The following COX7B2 variants were observed in gnomAD, a reference collection of about 807,000 sequenced individuals.
COX7B2 encodes cytochrome c oxidase subunit 7B2, mitochondrial.
For missense variants in COX7B2, 109 were observed against 95.9 expected, an observed-to-expected ratio of 1.14 and a Z score of -0.57; for synonymous variants, 37 against 32.1, an observed-to-expected ratio of 1.15 and a Z score of -0.51.
chr4:46,870,882 G>T (rs901037200), intron 1 of COX7B2, among the ~76,000 whole-genome samples: 4 of 151,728 alleles, frequency 2.6e-5, no homozygotes, highest in Non-Finnish European at 4.4e-5. Context: ...TGGAGAGGAA[G>T]AATCATATCA....
intron 2 of COX7B2, among the ~76,000 whole-genome samples, chr4:46,797,216 A>C (rs965874460): frequency 6.6e-6 from 1 of 151,480 alleles, no homozygotes; most frequent in Non-Finnish European, 1.5e-5. Context: ...AAAGGGATCT[A>C]TAGCCCTTTG....
chr4:46,774,459 T>G (rs1025542995), intron 2 of COX7B2, among the ~76,000 whole-genome samples: 4 of 152,084 alleles, frequency 2.6e-5, no homozygotes, highest in Admixed American at 2.6e-4. Flanking sequence ...CTAAATATTT[T>G]GTGGATAGTC....
At chr4:46,793,448 T>A (rs1374357309) in intron 2 of COX7B2, among the ~76,000 whole-genome samples, 1 of 152,102 alleles carries the variant, frequency 6.6e-6, no homozygotes, top group Non-Finnish European at 1.5e-5. Context: ...AAGGTGAACT[T>A]TAGAATGAGA....
chr4:46,771,590 ATCCCT>A (rs1716883064), intron 2 of COX7B2, among the ~76,000 whole-genome samples: 1 of 151,968 alleles, frequency 6.6e-6, no homozygotes, highest in Non-Finnish European at 1.5e-5. Context: ...AGTTTTGAGT[ATCCCT>A]AATCTGAAAA....
chr4:46,794,133 C>T (rs1718198074), intron 2 of COX7B2, among the ~76,000 whole-genome samples: 1 of 152,294 alleles, frequency 6.6e-6, no homozygotes, highest in East Asian at 1.9e-4. Context: ...GTATGTTACA[C>T]TCTGAAACAA....
chr4:46,812,883 T>C (rs1719357628), intron 2 of COX7B2, among the ~76,000 whole-genome samples: 1 of 152,196 alleles, frequency 6.6e-6, no homozygotes, highest in South Asian at 2.1e-4. Flanking sequence ...AGCTGCTTCA[T>C]TGGGCCAGGG....
At chr4:46,822,792 T>C (rs1188107363) in intron 2 of COX7B2, among the ~76,000 whole-genome samples, 1 of 152,158 alleles carries the variant, frequency 6.6e-6, no homozygotes, top group Non-Finnish European at 1.5e-5. Flanking sequence ...TAGACATAAA[T>C]TATTAGATAA....
intron 1 of COX7B2, among the ~76,000 whole-genome samples, chr4:46,849,119 T>C (rs1447368821): frequency 6.6e-6 from 1 of 152,046 alleles, no homozygotes; most frequent in Admixed American, 6.6e-5. Flanking sequence ...ATAAAATCCA[T>C]GGATATGGAG....
chr4:46,893,520 G>T (rs1182184055), intron 1 of COX7B2, among the ~76,000 whole-genome samples: 2 of 152,130 alleles, frequency 1.3e-5, no homozygotes, highest in African/African-American at 4.8e-5. Flanking sequence ...AAATGTTTAA[G>T]AAATACATTC....
chr4:46,896,359 A>G (rs552378751), intron 1 of COX7B2, among the ~76,000 whole-genome samples: 7 of 152,320 alleles, frequency 4.6e-5, no homozygotes, highest in African/African-American at 1.7e-4. Context: ...CAGTTATGCT[A>G]TTGGTAGATG....
intron 2 of COX7B2, 30 bp from the exon 3 acceptor site, chr4:46,735,271 G>A: frequency 3.4e-6 from 5 of 1,488,882 alleles, no homozygotes; most frequent in Non-Finnish European, 4.6e-6. Flanking sequence ...ATGCATTGAT[G>A]TCCAATCTTT....
intron 1 of COX7B2, among the ~76,000 whole-genome samples, chr4:46,856,728 G>A (rs920550298): frequency 4.6e-5 from 7 of 152,112 alleles, no homozygotes; most frequent in African/African-American, 1.7e-4. Flanking sequence ...GAGGCAAAGA[G>A]GTATTTTTGG....
At chr4:46,740,156 A>C (rs1451356344) in intron 2 of COX7B2, among the ~76,000 whole-genome samples, 1 of 152,060 alleles carries the variant, frequency 6.6e-6, no homozygotes, top group African/African-American at 2.4e-5. Flanking sequence ...GTTAATGCAA[A>C]AAGAATGGAT....
rs34388680 is a variant in COX7B2 at position 46,908,738 on chromosome 4, C to CAAAAAAAAAAAA, written c.-105+410_-105+421dup. Among the ~76,000 whole-genome samples the CAAAAAAAAAAAA allele has an allele frequency of 6.2e-4, 75 of 121,052 alleles. 1 individual carries two copies. The highest frequency in any genetic ancestry group is 9.0e-3 in the Middle Eastern group (2 of 222). 79.4% of individuals were successfully genotyped at this position (121,052 alleles called of 152,430 possible). A position where few individuals can be genotyped will look rare whatever the true frequency, so the allele number is the denominator to read the frequency against. The stretch of plus-strand genomic sequence containing the variant: ...GAAATGAAACAAAAAAGGAAAGTGG[C>CAAAAAAAAAAAA]AAAAAAAAAAAAAAAAAATCTGGCC... On this transcript the variant is annotated intron_variant, in intron 1 of 2. Coordinates refer to ENST00000355591, the MANE Select transcript of COX7B2 (RefSeq NM_130902.3).
chr4:46,822,462 A>AT (rs1228907451), intron 2 of COX7B2, among the ~76,000 whole-genome samples: 1 of 151,998 alleles, frequency 6.6e-6, no homozygotes, highest in Non-Finnish European at 1.5e-5. Flanking sequence ...CTATTTGTTG[A>AT]TTTTTTTCTT....
intron 2 of COX7B2, among the ~76,000 whole-genome samples, chr4:46,751,559 C>A (rs1200427609): frequency 6.6e-6 from 1 of 151,894 alleles, no homozygotes; most frequent in Non-Finnish European, 1.5e-5. Context: ...ATTTTTTGCC[C>A]TTGTGGAAAT....
intron 2 of COX7B2, among the ~76,000 whole-genome samples, chr4:46,758,442 AC>A (rs1169059610): frequency 6.6e-6 from 1 of 152,162 alleles, no homozygotes; most frequent in African/African-American, 2.4e-5. Flanking sequence ...TACCTAAAGT[AC>A]AGACAGTCTC....
chr4:46,818,507 A>G (rs2109684601), intron 2 of COX7B2, among the ~76,000 whole-genome samples: 1 of 151,972 alleles, frequency 6.6e-6, no homozygotes, highest in East Asian at 1.9e-4. Flanking sequence ...TGTGGTGGCG[A>G]GCGCCTGTAG....
At chr4:46,812,372 A>T (rs1033319956) in intron 2 of COX7B2, among the ~76,000 whole-genome samples, 30 of 14,202 alleles carry the variant, frequency 2.1e-3, no homozygotes, top group African/African-American at 0.012. Context: ...ATAAAAATTA[A>T]AAAAAAAAAA....
Sources: gnomAD v4.1 joint callset for allele counts (sites outside exome capture counted in the v4.1 genomes callset) on GRCh38, gnomAD v4.1.1 for gene constraint, MANE v1.5 for transcripts, NCBI Gene and HGNC (gene_info 2026-07-23, HGNC 2026-07-21) for gene names.